The following GRIN2A variants were observed in gnomAD, a reference collection of about 807,000 sequenced individuals.
GRIN2A encodes the protein glutamate receptor ionotropic, NMDA 2A.
GRIN2A carries 22 observed loss-of-function variants against 113.4 expected under a neutral mutation model. The ratio of observed to expected loss-of-function variants is 0.19; its 90% CI spans 0.14 to 0.28. The LOEUF (loss-of-function observed/expected upper bound fraction) is 0.28. Ranked by LOEUF, GRIN2A falls within the 10% of genes least tolerant of loss-of-function variation. The probability of loss-of-function intolerance (pLI) is 1.00; values close to 1 mark genes in which losing one functional copy is unlikely to be tolerated. For missense variants in GRIN2A, 1,502 were observed against 1,887.0 expected (o/e 0.80, Z 3.78); for synonymous variants, 827 against 738.4 (o/e 1.12, Z -1.94).
At chr16:9,997,884 C>T (rs2046254749) in intron 2 of GRIN2A, among the ~76,000 whole-genome samples, 1 of 152,186 alleles carries the variant, frequency 6.6e-6, no homozygotes, top group African/African-American at 2.4e-5. Context: ...GCTTTACCTT[C>T]CACCATGATT....
chr16:9,798,498 T>A (rs1236792876), intron 10 of GRIN2A, 34 bp from the exon 11 acceptor site: 1 of 1,586,104 alleles, frequency 6.3e-7, no homozygotes. Flanking sequence ...GTCATAGGGG[T>A]GGCCAGGTAC....
chr16:9,994,828 G>C (rs1229537439), intron 2 of GRIN2A, among the ~76,000 whole-genome samples: 1 of 152,194 alleles, frequency 6.6e-6, no homozygotes, highest in Non-Finnish European at 1.5e-5. Context: ...GTCTCCTGTT[G>C]CTATGGTAAT....
At chr16:10,076,399 G>C (rs2047873328) in intron 2 of GRIN2A, among the ~76,000 whole-genome samples, 1 of 152,202 alleles carries the variant, frequency 6.6e-6, no homozygotes, top group Non-Finnish European at 1.5e-5. Context: ...TTTGTATCCA[G>C]AGTGGCGACG....
chr16:9,789,416 C>T (rs1902450930), intron 11 of GRIN2A, among the ~76,000 whole-genome samples: 1 of 152,086 alleles, frequency 6.6e-6, no homozygotes, highest in Middle Eastern at 3.2e-3. Context: ...CAGAACCCTC[C>T]CTAGATCTGG....
intron 11 of GRIN2A, among the ~76,000 whole-genome samples, chr16:9,776,959 C>G (rs986172911): frequency 2.0e-5 from 3 of 152,134 alleles, no homozygotes; most frequent in Non-Finnish European, 4.4e-5. Flanking sequence ...GAATTGGGGC[C>G]AAATCCTCTC....
intron 4 of GRIN2A, among the ~76,000 whole-genome samples, chr16:9,858,826 A>G (rs1276922853): frequency 6.6e-6 from 1 of 152,224 alleles, no homozygotes; most frequent in Non-Finnish European, 1.5e-5. Flanking sequence ...GGATAAATTC[A>G]GAGGGATGTT....
At chr16:9,951,595 T>A (rs1304877829) in intron 2 of GRIN2A, among the ~76,000 whole-genome samples, 1 of 152,116 alleles carries the variant, frequency 6.6e-6, no homozygotes, top group Non-Finnish European at 1.5e-5. Context: ...GAGCTCACCA[T>A]TACAATTAAA....
At chr16:10,036,167 C>A (rs1210779627) in intron 2 of GRIN2A, among the ~76,000 whole-genome samples, 1 of 152,216 alleles carries the variant, frequency 6.6e-6, no homozygotes, top group Non-Finnish European at 1.5e-5. Context: ...GACTTCTCCC[C>A]TTTTCAATCA....
intron 2 of GRIN2A, among the ~76,000 whole-genome samples, chr16:10,064,413 C>T (rs189847738): frequency 8.7e-4 from 132 of 152,310 alleles, no homozygotes; most frequent in African/African-American, 2.9e-3. Context: ...CAAAGCCCTG[C>T]ACCAGAGATC....
At chr16:9,860,985 G>T (rs1053238046) in intron 4 of GRIN2A, among the ~76,000 whole-genome samples, 1 of 152,178 alleles carries the variant, frequency 6.6e-6, no homozygotes, top group African/African-American at 2.4e-5. Context: ...AAGGGAAGTT[G>T]CCTGTTTACT....
At chr16:9,953,517 T>G (rs2045231579) in intron 2 of GRIN2A, among the ~76,000 whole-genome samples, 1 of 151,456 alleles carries the variant, frequency 6.6e-6, no homozygotes, top group Admixed American at 6.6e-5. Flanking sequence ...ACCAAGAAGG[T>G]GGATAGGCAG....
chr16:9,990,061 C>A (rs186500154), intron 2 of GRIN2A, among the ~76,000 whole-genome samples: 1 of 152,204 alleles, frequency 6.6e-6, no homozygotes, highest in East Asian at 1.9e-4. Flanking sequence ...TAAATGGTTC[C>A]ACCAAAAATC....
At chr16:10,023,097 T>C (rs2046755504) in intron 2 of GRIN2A, among the ~76,000 whole-genome samples, 1 of 152,192 alleles carries the variant, frequency 6.6e-6, no homozygotes, top group African/African-American at 2.4e-5. Flanking sequence ...AAAAGAGGGC[T>C]CTACCAATGA....
chr16:10,039,071 T>C (rs1026036093), intron 2 of GRIN2A, among the ~76,000 whole-genome samples: 2 of 152,050 alleles, frequency 1.3e-5, no homozygotes, highest in Non-Finnish European at 2.9e-5. Flanking sequence ...GGTCTGCTTC[T>C]ATTTTGTGCC....
intron 4 of GRIN2A, among the ~76,000 whole-genome samples, chr16:9,850,925 C>T (rs1264524163): frequency 4.6e-5 from 7 of 152,168 alleles, no homozygotes; most frequent in Non-Finnish European, 8.8e-5. Context: ...CTCTTTCTCC[C>T]TTCTCCTCCT....
At chr16:9,991,050 G>A (rs953820781) in intron 2 of GRIN2A, among the ~76,000 whole-genome samples, 3 of 151,974 alleles carry the variant, frequency 2.0e-5, no homozygotes, top group African/African-American at 4.8e-5. Flanking sequence ...CTGGGTGACA[G>A]GGTGAGACTC....
chr16:10,008,034 G>T (rs745329031), intron 2 of GRIN2A, among the ~76,000 whole-genome samples: 11 of 152,042 alleles, frequency 7.2e-5, no homozygotes, highest in Non-Finnish European at 1.6e-4. Flanking sequence ...TTCGATCTTG[G>T]ACAGAAAGTA....
chr16:9,851,752 T>C (rs2042886377), intron 4 of GRIN2A, among the ~76,000 whole-genome samples: 1 of 152,166 alleles, frequency 6.6e-6, no homozygotes, highest in African/African-American at 2.4e-5. Context: ...GGGAAAGTCA[T>C]TCAACCTCTC....
At chr16:9,836,644 T>C (rs1256536639) in intron 7 of GRIN2A, among the ~76,000 whole-genome samples, 2 of 152,346 alleles carry the variant, frequency 1.3e-5, no homozygotes, top group African/African-American at 4.8e-5. Flanking sequence ...TGCAGTAGTC[T>C]TGTTTTAGTA....
Sources: gnomAD v4.1 joint callset for allele counts (sites outside exome capture counted in the v4.1 genomes callset) on GRCh38, gnomAD v4.1.1 for gene constraint, MANE v1.5 for transcripts, NCBI Gene and HGNC (gene_info 2026-07-23, HGNC 2026-07-21) for gene names.